Variants in ACTR3C observed in about 807,000 individuals in gnomAD.
The protein encoded by ACTR3C is actin related protein 3C.
A neutral mutation model predicts 26.3 loss-of-function variants in ACTR3C; 18 were observed. The ratio of observed to expected loss-of-function variants is 0.68; its 90% CI spans 0.47 to 1.01. ACTR3C has a LOEUF of 1.01. Among genes scored for constraint, ACTR3C ranks in the 50% least tolerant of loss-of-function variants. The pLI is 0.00. For missense variants in ACTR3C, 184 were observed against 250.7 expected, an observed-to-expected ratio of 0.73 and a Z score of 1.80; for synonymous variants, 55 against 94.5, an observed-to-expected ratio of 0.58 and a Z score of 2.42.
intron 5 of ACTR3C, among the ~76,000 whole-genome samples, chr7:150,285,173 C>T (rs975202049): frequency 1.3e-5 from 2 of 152,026 alleles, no homozygotes; most frequent in Admixed American, 1.3e-4. Context: ...CTACGTGACA[C>T]GCAGTGAGAA....
chr7:150,100,717 C>T, the ACTR3C span, among the ~76,000 whole-genome samples: 3 of 151,032 alleles, frequency 2.0e-5, no homozygotes, highest in African/African-American at 4.9e-5. Flanking sequence ...TTCTTTCTTT[C>T]TTTGAGATGG....
chr7:150,001,248 T>C, the ACTR3C span: 1 of 152,198 alleles, frequency 6.6e-6, no homozygotes, highest in Non-Finnish European at 1.5e-5. Flanking sequence ...CTTGTTACTC[T>C]ATTACTCAAT....
intron 6 of ACTR3C, among the ~76,000 whole-genome samples, chr7:150,277,401 C>T (rs1394387275): frequency 6.6e-6 from 1 of 152,190 alleles, no homozygotes; most frequent in Non-Finnish European, 1.5e-5. Flanking sequence ...CTCTGCTCAT[C>T]CTTAAAAGCC....
At chr7:150,043,221 C>T in the ACTR3C span, among the ~76,000 whole-genome samples, 1 of 151,042 alleles carries the variant, frequency 6.6e-6, no homozygotes, top group Non-Finnish European at 1.5e-5. Context: ...TTGAACACCT[C>T]ATACCCACAG....
chr7:150,096,569 T>C, the ACTR3C span, among the ~76,000 whole-genome samples: 454 of 151,908 alleles, frequency 3.0e-3, 22 homozygotes, highest in African/African-American at 0.011. Flanking sequence ...CTCATGCTTC[T>C]ACTACAGCTA....
the ACTR3C span, among the ~76,000 whole-genome samples, chr7:149,903,590 G>C: frequency 6.6e-6 from 1 of 151,736 alleles, no homozygotes; most frequent in African/African-American, 2.4e-5. Context: ...CACCCAGGCA[G>C]GAGTGTAGTG....
the ACTR3C span, among the ~76,000 whole-genome samples, chr7:150,148,371 G>C: frequency 1.3e-5 from 2 of 152,044 alleles, no homozygotes; most frequent in Non-Finnish European, 2.9e-5. Context: ...CAGCTACTTG[G>C]GAGGCTGAGG....
At position 150,281,715 on chromosome 7, in the gene ACTR3C, A is replaced by G. The variant is rs533961618; in HGVS notation, c.564+3038T>C. On this transcript the variant is annotated intron_variant, in intron 6 of 7. Transcript: ENST00000683684. ...AGGAGGGTCCGCAGATAATTATCACAGGCCAACCCGGACAGTATTAGAATG... is the reference window on the plus strand; with the variant it reads ...AGGAGGGTCCGCAGATAATTATCACGGGCCAACCCGGACAGTATTAGAATG... Among the ~76,000 whole-genome samples, 190 of 152,090 alleles carry G rather than the reference A, an allele frequency of 1.2e-3. 1 individual carries two copies. Among genetic ancestry groups the G allele is most frequent in the African/African-American group, 3.2e-3 (134 of 41,418 alleles).
chr7:150,087,182 TAAAAAAAAAAAA>T, the ACTR3C span, among the ~76,000 whole-genome samples: 1 of 129,408 alleles, frequency 7.7e-6, no homozygotes, highest in African/African-American at 3.0e-5. Context: ...TGAATTTGTT[TAAAAAAAAAAAA>T]AAAAAAAAAA....
the ACTR3C span, among the ~76,000 whole-genome samples, chr7:149,924,711 C>T: frequency 2.1e-4 from 31 of 151,176 alleles, no homozygotes; most frequent in African/African-American, 5.8e-4. Context: ...CTGCAACCTC[C>T]ACCTCCCAGG....
At chr7:149,973,480 C>A in the ACTR3C span, among the ~76,000 whole-genome samples, 1 of 152,268 alleles carries the variant, frequency 6.6e-6, no homozygotes, top group Non-Finnish European at 1.5e-5. Flanking sequence ...TCAGATTGAG[C>A]TTTAATTGAA....
the ACTR3C span, among the ~76,000 whole-genome samples, chr7:150,220,950 G>A: frequency 6.6e-6 from 1 of 152,290 alleles, no homozygotes; most frequent in African/African-American, 2.4e-5. Flanking sequence ...CCTGCGCAGG[G>A]CTCCAGCCGC....
the ACTR3C span, among the ~76,000 whole-genome samples, chr7:149,919,078 A>C: frequency 6.6e-6 from 1 of 152,236 alleles, no homozygotes; most frequent in South Asian, 2.1e-4. Flanking sequence ...CTGCACCCAC[A>C]GTTAACTGGC....
At chr7:150,097,678 T>C in the ACTR3C span, among the ~76,000 whole-genome samples, 1 of 151,516 alleles carries the variant, frequency 6.6e-6, no homozygotes, top group Non-Finnish European at 1.5e-5. Context: ...CAAAAGGCCC[T>C]GTTTTAGCCT....
the ACTR3C span, among the ~76,000 whole-genome samples, chr7:150,028,905 C>T: frequency 6.6e-6 from 1 of 151,594 alleles, no homozygotes; most frequent in South Asian, 2.1e-4. Flanking sequence ...TAGCTTTCTC[C>T]TGGATTCTAA....
chr7:150,151,392 T>C, the ACTR3C span, among the ~76,000 whole-genome samples: 1 of 137,892 alleles, frequency 7.3e-6, no homozygotes, highest in African/African-American at 2.5e-5. Context: ...AATTTATTTC[T>C]ATAACTATCT....
the ACTR3C span, among the ~76,000 whole-genome samples, chr7:149,914,042 C>A: frequency 4.6e-5 from 7 of 151,960 alleles, no homozygotes; most frequent in Non-Finnish European, 1.0e-4. Context: ...CATGCCATCA[C>A]ACCCGGCTAA....
chr7:150,235,473 G>A, the ACTR3C span, among the ~76,000 whole-genome samples: 1 of 152,144 alleles, frequency 6.6e-6, no homozygotes, highest in South Asian at 2.1e-4. Flanking sequence ...TCTTTGCTAT[G>A]GCTCTTAAGC....
the ACTR3C span, among the ~76,000 whole-genome samples, chr7:150,193,396 A>AT: frequency 0.029 from 3,951 of 137,224 alleles, 188 homozygotes; most frequent in African/African-American, 0.1. Context: ...TTCTCTATTG[A>AT]TTTTTTATTT....
Sources: gnomAD v4.1 joint callset for allele counts (sites outside exome capture counted in the v4.1 genomes callset) on GRCh38, gnomAD v4.1.1 for gene constraint, MANE v1.5 for transcripts, NCBI Gene and HGNC (gene_info 2026-07-23, HGNC 2026-07-21) for gene names.